Variants in CACNG2 observed in about 807,000 individuals in gnomAD.
CACNG2 encodes voltage-dependent calcium channel gamma-2 subunit.
In CACNG2, 3 loss-of-function variants were observed where a neutral mutation model predicts 25.9. That is an observed-to-expected ratio of 0.12 (90% confidence interval 0.05 to 0.30). The LOEUF is 0.30. Ranked by LOEUF, CACNG2 falls within the 10% of genes least tolerant of loss-of-function variation. The probability of loss-of-function intolerance (pLI) is 1.00; values close to 1 mark genes in which losing one functional copy is unlikely to be tolerated. For synonymous variants in CACNG2, 167 were observed against 173.3 expected, an observed-to-expected ratio of 0.96 and a Z score of 0.29; for missense variants, 341 against 432.5, an observed-to-expected ratio of 0.79 and a Z score of 1.88.
intron 1 of CACNG2, among the ~76,000 whole-genome samples, chr22:36,687,714 G>A (rs1257827121): frequency 6.6e-6 from 1 of 152,210 alleles, no homozygotes; most frequent in Non-Finnish European, 1.5e-5. Flanking sequence ...AGATTATCCT[G>A]GATTATCTGG....
At chr22:36,578,962 C>T (rs1935369391) in intron 2 of CACNG2, among the ~76,000 whole-genome samples, 1 of 152,112 alleles carries the variant, frequency 6.6e-6, no homozygotes, top group South Asian at 2.1e-4. Context: ...AACAGACCGG[C>T]AATAGAGTGG....
At chr22:36,683,066 AG>A (rs1174312675) in intron 1 of CACNG2, among the ~76,000 whole-genome samples, 1 of 152,176 alleles carries the variant, frequency 6.6e-6, no homozygotes, top group Non-Finnish European at 1.5e-5. Context: ...GGCCCTCCAA[AG>A]GGTAAGTGCA....
At chr22:36,577,163 C>T (rs2145914322) in intron 2 of CACNG2, among the ~76,000 whole-genome samples, 1 of 152,314 alleles carries the variant, frequency 6.6e-6, no homozygotes, top group South Asian at 2.1e-4. Context: ...TAACTGAGTA[C>T]ACACACTTGA....
At chr22:36,695,073 C>T (rs1009506420) in intron 1 of CACNG2, among the ~76,000 whole-genome samples, 2 of 151,934 alleles carry the variant, frequency 1.3e-5, no homozygotes, top group South Asian at 2.1e-4. Context: ...AAAATGAGCC[C>T]GGTGTGGTGG....
chr22:36,700,009 T>C (rs1298035422), intron 1 of CACNG2, among the ~76,000 whole-genome samples: 1 of 152,258 alleles, frequency 6.6e-6, no homozygotes, highest in Admixed American at 6.5e-5. Flanking sequence ...GCTCCAGCCC[T>C]TCCTGCCCTG....
chr22:36,632,621 C>T (rs994547727), intron 1 of CACNG2, among the ~76,000 whole-genome samples: 2 of 151,890 alleles, frequency 1.3e-5, no homozygotes, highest in Non-Finnish European at 2.9e-5. Flanking sequence ...AGTTATCTGT[C>T]CTCATCTTAC....
rs140413982 is a variant in CACNG2 at position 36,613,156 on chromosome 22, C to CTCTGTGTGTGTGTG, written c.212-25609_212-25608insCACACACACACAGA. ...AAAAGTTCATTTCATTACAGGCTCT[C>CTCTGTGTGTGTGTG]TGTGTGTGTGTGTGTGTGTGTGTGT... On this transcript the variant is annotated intron_variant, in intron 1 of 3. Coordinates refer to ENST00000300105, the MANE Select transcript of CACNG2 (RefSeq NM_006078.5). 8.6e-4 allele frequency among the ~76,000 whole-genome samples: 126 copies of CTCTGTGTGTGTGTG among 146,222 alleles called. 2 individuals are homozygous for CTCTGTGTGTGTGTG. The highest frequency in any genetic ancestry group is 1.4e-3 in the African/African-American group (57 of 39,506).
At chr22:36,616,608 A>AT (rs397709106) in intron 1 of CACNG2, among the ~76,000 whole-genome samples, 15,087 of 147,828 alleles carry the variant, frequency 0.1, 1,607 homozygotes, top group African/African-American at 0.27. Flanking sequence ...TCTGGAATTG[A>AT]TTTTTTTTTT....
Position 36,703,516 on chromosome 22 carries a change from C to CT in CACNG2, c.-941dup, listed in dbSNP as rs1569057757. On this transcript the variant is annotated 5_prime_UTR_variant, in exon 1 of 4. The change abolishes the stop of an existing upstream ORF in the 5' untranslated region. Coordinates refer to ENST00000300105, the MANE Select transcript of CACNG2 (RefSeq NM_006078.5). ...GCGCCCGCGGAGGCGCTCCCACCTA[C>CT]TGCATTACGGGTGGTGCTGAACCGG... The CT allele has an allele frequency of 6.6e-6, 1 of 152,184 alleles. No homozygotes were observed. Among genetic ancestry groups the CT allele is most frequent in the Non-Finnish European group, 1.5e-5 (1 of 68,134 alleles). 9.4% of individuals were successfully genotyped at this position (152,184 alleles called of 1,614,324 possible).
chr22:36,651,603 C>T (rs965290596), intron 1 of CACNG2, among the ~76,000 whole-genome samples: 1 of 152,136 alleles, frequency 6.6e-6, no homozygotes, highest in African/African-American at 2.4e-5. Context: ...TTAGTTGATC[C>T]TAGAAACATG....
intron 1 of CACNG2, among the ~76,000 whole-genome samples, chr22:36,587,998 C>G (rs1034142213): frequency 2.0e-5 from 3 of 152,232 alleles, no homozygotes; most frequent in Non-Finnish European, 2.9e-5. Flanking sequence ...CAGATGCTGC[C>G]ACAGCCCTTT....
intron 1 of CACNG2, among the ~76,000 whole-genome samples, chr22:36,662,456 C>T (rs537719777): frequency 7.2e-5 from 11 of 152,170 alleles, no homozygotes; most frequent in Non-Finnish European, 1.5e-4. Context: ...GCCACCCACC[C>T]ACACATTGAA....
At chr22:36,701,246 G>A (rs537450558) in intron 1 of CACNG2, among the ~76,000 whole-genome samples, 4 of 152,202 alleles carry the variant, frequency 2.6e-5, no homozygotes, top group Admixed American at 1.3e-4. Context: ...CTCTGTGCAC[G>A]TCTATCTATG....
At chr22:36,692,824 T>G (rs1222859189) in intron 1 of CACNG2, among the ~76,000 whole-genome samples, 1 of 152,060 alleles carries the variant, frequency 6.6e-6, no homozygotes, top group Non-Finnish European at 1.5e-5. Context: ...GTCAGAAACA[T>G]GCATGTGCTA....
intron 1 of CACNG2, among the ~76,000 whole-genome samples, chr22:36,602,172 A>G (rs1310087814): frequency 6.6e-6 from 1 of 152,066 alleles, no homozygotes; most frequent in Non-Finnish European, 1.5e-5. Context: ...TGTGTTATAC[A>G]TTTTCTTGCT....
intron 1 of CACNG2, among the ~76,000 whole-genome samples, chr22:36,693,321 G>T (rs1253931715): frequency 6.6e-6 from 1 of 152,154 alleles, no homozygotes; most frequent in East Asian, 1.9e-4. Flanking sequence ...AGTGAGAAGA[G>T]AAGGGGAGAC....
intron 1 of CACNG2, among the ~76,000 whole-genome samples, chr22:36,690,897 A>T (rs1937260283): frequency 6.6e-6 from 1 of 152,206 alleles, no homozygotes; most frequent in Non-Finnish European, 1.5e-5. Context: ...ACATTGAGCA[A>T]TCTCACCGTA....
intron 1 of CACNG2, among the ~76,000 whole-genome samples, chr22:36,632,631 C>T (rs1049301183): frequency 2.2e-4 from 34 of 152,004 alleles, no homozygotes; most frequent in African/African-American, 8.2e-4. Context: ...CCTCATCTTA[C>T]TTGACCCATC....
At chr22:36,586,699 A>G (rs1002457861) in intron 2 of CACNG2, among the ~76,000 whole-genome samples, 1 of 150,652 alleles carries the variant, frequency 6.6e-6, no homozygotes, top group African/African-American at 2.5e-5. Context: ...GGAGGAGAGC[A>G]AACCTCCTTC....
Sources: allele counts gnomAD v4.1 joint callset (sites outside exome capture counted in the v4.1 genomes callset), GRCh38; gene constraint gnomAD v4.1.1; transcripts MANE v1.5; gene names NCBI Gene and HGNC (gene_info 2026-07-23, HGNC 2026-07-21).